The following FOXP1 variants were observed in gnomAD, a reference collection of about 807,000 sequenced individuals.
The protein encoded by FOXP1 is forkhead box protein P1.
In FOXP1, 15 loss-of-function variants were observed where a neutral mutation model predicts 98.2. The observed-to-expected ratio is 0.15, with a 90% CI of 0.10 to 0.24. FOXP1 has a LOEUF of 0.24. Among genes scored for constraint, FOXP1 ranks in the 10% least tolerant of loss-of-function variants. FOXP1 has a pLI of 1.00. For synonymous variants in FOXP1, 371 were observed against 314.5 expected, an observed-to-expected ratio of 1.18 and a Z score of -1.90; for missense variants, 633 against 848.5, an observed-to-expected ratio of 0.75 and a Z score of 3.15.
At chr3:71,371,474 T>C (rs142717911) in intron 3 of FOXP1, among the ~76,000 whole-genome samples, 4 of 152,326 alleles carry the variant, frequency 2.6e-5, no homozygotes, top group African/African-American at 9.6e-5. Flanking sequence ...TGCCTCCAAC[T>C]GCTTCGCATC....
intron 7 of FOXP1, among the ~76,000 whole-genome samples, chr3:71,087,375 G>A (rs1490682297): frequency 6.6e-6 from 1 of 152,182 alleles, no homozygotes; most frequent in Non-Finnish European, 1.5e-5. Context: ...ACAAAATACC[G>A]GTTTTGTCTG....
intron 2 of FOXP1, among the ~76,000 whole-genome samples, chr3:71,512,544 T>A (rs182949346): frequency 1.3e-5 from 2 of 152,320 alleles, no homozygotes; most frequent in Non-Finnish European, 2.9e-5. Context: ...GTAGTACATA[T>A]TTAAGACAGA....
intron 5 of FOXP1, among the ~76,000 whole-genome samples, chr3:71,214,217 G>A (rs1265006008): frequency 1.3e-5 from 2 of 152,210 alleles, no homozygotes; most frequent in Non-Finnish European, 2.9e-5. Context: ...GTCTAAATAA[G>A]CACCTAGACC....
At chr3:71,468,609 AT>A (rs1389499437) in intron 3 of FOXP1, among the ~76,000 whole-genome samples, 3 of 152,132 alleles carry the variant, frequency 2.0e-5, no homozygotes, top group African/African-American at 4.8e-5. Context: ...AGTAGTTTCC[AT>A]TCCTTTAACC....
At chr3:71,233,984 G>C (rs1229116969) in intron 5 of FOXP1, among the ~76,000 whole-genome samples, 1 of 152,030 alleles carries the variant, frequency 6.6e-6, no homozygotes, top group Non-Finnish European at 1.5e-5. Flanking sequence ...GGGTGGGAGG[G>C]CTGCTTCCAG....
At chr3:71,127,534 T>C (rs2059298595) in intron 6 of FOXP1, among the ~76,000 whole-genome samples, 2 of 152,166 alleles carry the variant, frequency 1.3e-5, no homozygotes, top group South Asian at 2.1e-4. Context: ...ACCATCAACA[T>C]CATGCACTAG....
chr3:70,984,938 GT>G (rs1006627767), intron 14 of FOXP1, among the ~76,000 whole-genome samples: 1 of 152,148 alleles, frequency 6.6e-6, no homozygotes, highest in African/African-American at 2.4e-5. Flanking sequence ...ATCTAAGAAC[GT>G]TTTAGCAGTT....
At position 71,222,991 on chromosome 3, in the gene FOXP1, T is replaced by A. The variant is rs75299403; in HGVS notation, c.-11-24599A>T. Among the ~76,000 whole-genome samples the A allele has an allele frequency of 2.6e-5, 4 of 152,250 alleles. No homozygotes were observed. The East Asian group carries it at 7.7e-4, about 29-fold the overall frequency. ...TTCTTAATCTTATATATTGAATAAA[T>A]TTTTCCCCTTTCTTTTCATCACCAC... is the stretch of plus-strand genomic sequence containing the variant. On this transcript the variant is annotated intron_variant, in intron 5 of 20. Coordinates refer to ENST00000649528, the MANE Select transcript of FOXP1 (RefSeq NM_001349338.3).
At chr3:71,207,522 T>C (rs1056425586) in intron 5 of FOXP1, among the ~76,000 whole-genome samples, 10 of 152,152 alleles carry the variant, frequency 6.6e-5, no homozygotes, top group Non-Finnish European at 1.5e-5. Flanking sequence ...CCAATATACA[T>C]ATATGTATTT....
intron 6 of FOXP1, among the ~76,000 whole-genome samples, chr3:71,160,245 C>T (rs1161240875): frequency 2.0e-5 from 3 of 152,110 alleles, no homozygotes; most frequent in Admixed American, 2.0e-4. Flanking sequence ...CAACTCCACA[C>T]TAGCCTGTTG....
intron 13 of FOXP1, among the ~76,000 whole-genome samples, chr3:70,995,510 TC>T (rs1321450223): frequency 6.6e-6 from 1 of 152,214 alleles, no homozygotes; most frequent in African/African-American, 2.4e-5. Context: ...CTTACTGCAT[TC>T]CCTGATTTCA....
At chr3:71,538,258 C>T (rs1330926483) in intron 2 of FOXP1, among the ~76,000 whole-genome samples, 1 of 151,804 alleles carries the variant, frequency 6.6e-6, no homozygotes, top group Admixed American at 6.5e-5. Context: ...GAAACCATCA[C>T]CACAATATAA....
At chr3:71,167,171 G>A (rs2061433753) in intron 6 of FOXP1, among the ~76,000 whole-genome samples, 1 of 152,098 alleles carries the variant, frequency 6.6e-6, no homozygotes, top group African/African-American at 2.4e-5. Context: ...ACTGAGCAAA[G>A]TGATAAAGAC....
At chr3:71,213,780 C>A (rs1272412960) in intron 5 of FOXP1, among the ~76,000 whole-genome samples, 1 of 152,142 alleles carries the variant, frequency 6.6e-6, no homozygotes, top group Non-Finnish European at 1.5e-5. Context: ...CGTGCCACTG[C>A]ACTCCAGCCT....
chr3:70,991,325 A>G (rs998924061), intron 13 of FOXP1, among the ~76,000 whole-genome samples: 1 of 152,110 alleles, frequency 6.6e-6, no homozygotes, highest in Non-Finnish European at 1.5e-5. Flanking sequence ...GAAATAGGTC[A>G]TCTCCTCTTC....
At chr3:71,583,362 G>C (rs1433752415) in intron 1 of FOXP1, 1 of 789,382 alleles carries the variant, frequency 1.3e-6, no homozygotes, top group Non-Finnish European at 1.5e-6. Flanking sequence ...TCGACCCGGG[G>C]GGGAGAGGAA....
At chr3:71,372,455 C>G (rs1228651587) in intron 3 of FOXP1, among the ~76,000 whole-genome samples, 1 of 152,170 alleles carries the variant, frequency 6.6e-6, no homozygotes, top group African/African-American at 2.4e-5. Context: ...ATATCTTGTT[C>G]CTTCGTTTCA....
intron 6 of FOXP1, among the ~76,000 whole-genome samples, chr3:71,150,555 AAATT>A (rs1465615680): frequency 6.6e-6 from 1 of 152,142 alleles, no homozygotes; most frequent in Non-Finnish European, 1.5e-5. Context: ...CTGTGAGTGA[AAATT>A]AATCCTTAAC....
Position 71,389,237 on chromosome 3 carries a change from GCGGGGGGGGGGGGGGC to G in FOXP1, c.-167-30009_-167-29994del, listed in dbSNP as rs767905083. On this transcript the variant is annotated intron_variant, in intron 3 of 20. Transcript: ENST00000649528. ...ACTCCATATGCTATATCTGTAAGCG[GCGGGGGGGGGGGGGGC>G]CGGGGGGGGCGGGTTATAAATTTCA... Among the ~76,000 whole-genome samples, 40 of 65,668 alleles carry G rather than the reference GCGGGGGGGGGGGGGGC, an allele frequency of 6.1e-4. 6 individuals carry two copies. Among genetic ancestry groups the G allele is most frequent in the East Asian group, 4.7e-3 (10 of 2,108 alleles). The allele number at this position is 65,668 out of a possible 152,430, so 43.1% of individuals were successfully genotyped here.
Sources: gnomAD v4.1 joint callset for allele counts (sites outside exome capture counted in the v4.1 genomes callset) on GRCh38, gnomAD v4.1.1 for gene constraint, MANE v1.5 for transcripts, NCBI Gene and HGNC (gene_info 2026-07-23, HGNC 2026-07-21) for gene names.